FRMPD4: variants seen among roughly 807,000 people sequenced by gnomAD.
FRMPD4 encodes the protein FERM and PDZ domain containing 4, also known as FERM and PDZ domain-containing protein 4.
A neutral mutation model predicts 94.1 loss-of-function variants in FRMPD4; 22 were observed. The observed-to-expected ratio is 0.23, with a 90% CI of 0.17 to 0.33. FRMPD4 has a LOEUF of 0.33. FRMPD4 is among the 10% of genes least tolerant of loss of function. The probability of loss-of-function intolerance (pLI) is 1.00; values close to 1 mark genes in which losing one functional copy is unlikely to be tolerated. For missense variants in FRMPD4, 1,111 were observed against 1,339.9 expected, an observed-to-expected ratio of 0.83 and a Z score of 2.67; for synonymous variants, 631 against 548.6, an observed-to-expected ratio of 1.15 and a Z score of -2.10.
intron 1 of FRMPD4, among the ~76,000 whole-genome samples, chrX:12,181,163 C>T (rs2056353477): frequency 1.8e-5 from 2 of 111,717 alleles, no homozygotes; most frequent in Non-Finnish European, 1.9e-5. Context: ...ATGGAAGGAA[C>T]TGGGGTCTAA....
intron 3 of FRMPD4, among the ~76,000 whole-genome samples, chrX:12,119,987 AT>A (rs1333681121): frequency 3.6e-5 from 4 of 112,150 alleles, no homozygotes; most frequent in Non-Finnish European, 7.5e-5. Context: ...ATTGTGTAAT[AT>A]TTTTTCTTAA....
intron 4 of FRMPD4, among the ~76,000 whole-genome samples, chrX:12,649,650 A>G (rs763583909): frequency 8.9e-6 from 1 of 112,522 alleles, no homozygotes; most frequent in Admixed American, 9.3e-5. Flanking sequence ...AGTGGGAATA[A>G]TAATACCTAA....
intron 1 of FRMPD4, among the ~76,000 whole-genome samples, chrX:12,142,004 G>C (rs2055698748): frequency 8.9e-6 from 1 of 111,810 alleles, no homozygotes; most frequent in African/African-American, 3.2e-5. Context: ...CCTTTTGCCA[G>C]AGGGAGATGA....
At chrX:11,889,621 C>G (rs964682223) in intron 3 of FRMPD4, among the ~76,000 whole-genome samples, 1 of 112,419 alleles carries the variant, frequency 8.9e-6, no homozygotes, top group African/African-American at 3.2e-5. Flanking sequence ...CATCCTAAGA[C>G]ACAATGGCTT....
intron 2 of FRMPD4, among the ~76,000 whole-genome samples, chrX:12,565,086 CA>C (rs33995881): frequency 4.0e-5 from 4 of 100,579 alleles, no homozygotes; most frequent in Non-Finnish European, 6.0e-5. Context: ...GACTCAGTCT[CA>C]AAAAAAAAAG....
chrX:12,168,513 C>T (rs1452163831), intron 1 of FRMPD4, among the ~76,000 whole-genome samples: 2 of 110,497 alleles, frequency 1.8e-5, no homozygotes, highest in Admixed American at 9.6e-5. Flanking sequence ...TTTAGATGCT[C>T]CTGTTTGAAT....
chrX:12,099,211 A>T (rs959712547), intron 3 of FRMPD4, among the ~76,000 whole-genome samples: 1 of 110,434 alleles, frequency 9.1e-6, no homozygotes, highest in African/African-American at 3.3e-5. Context: ...CCTAAAACTT[A>T]AAGTATAATA....
At chrX:12,672,325 C>T (rs2059852206) in intron 4 of FRMPD4, among the ~76,000 whole-genome samples, 1 of 111,882 alleles carries the variant, frequency 8.9e-6, no homozygotes, top group Non-Finnish European at 1.9e-5. Flanking sequence ...ATGCTCAGTG[C>T]TCCTTGGATT....
At chrX:12,547,176 G>T (rs769667644) in intron 2 of FRMPD4, among the ~76,000 whole-genome samples, 2 of 110,744 alleles carry the variant, frequency 1.8e-5, no homozygotes, top group Non-Finnish European at 3.8e-5. Flanking sequence ...TAATTAAGTC[G>T]CTCCTGCAAC....
At chrX:12,601,433 C>T (rs928737777) in intron 2 of FRMPD4, among the ~76,000 whole-genome samples, 2 of 111,429 alleles carry the variant, frequency 1.8e-5, no homozygotes, top group African/African-American at 6.5e-5. Context: ...GGCAGTAGTT[C>T]CAGATGCAGA....
At chrX:12,656,059 G>C (rs2059652631) in intron 4 of FRMPD4, among the ~76,000 whole-genome samples, 1 of 112,081 alleles carries the variant, frequency 8.9e-6, no homozygotes, top group Non-Finnish European at 1.9e-5. Flanking sequence ...TATTCAACAT[G>C]GTGTCTTTCA....
chrX:12,471,801 T>A (rs1484323116), intron 1 of FRMPD4, among the ~76,000 whole-genome samples: 1 of 112,160 alleles, frequency 8.9e-6, no homozygotes, highest in Non-Finnish European at 1.9e-5. Flanking sequence ...TTGGCACTCT[T>A]GACAAGTGTC....
intron 3 of FRMPD4, among the ~76,000 whole-genome samples, chrX:12,132,471 A>G (rs857342): frequency 0.17 from 18,906 of 110,941 alleles, 2,009 homozygotes; most frequent in African/African-American, 0.4. Context: ...TTGTCAGCAT[A>G]TAGATAACAT....
intron 1 of FRMPD4, among the ~76,000 whole-genome samples, chrX:12,461,173 A>G (rs1350975062): frequency 2.7e-5 from 3 of 112,200 alleles, no homozygotes; most frequent in Non-Finnish European, 1.9e-5. Flanking sequence ...GGAAGGTCAC[A>G]TGGCTAGTCA....
At chrX:12,489,232 T>C (rs1360014413) in intron 1 of FRMPD4, among the ~76,000 whole-genome samples, 1 of 112,019 alleles carries the variant, frequency 8.9e-6, no homozygotes, top group Non-Finnish European at 1.9e-5. Context: ...ACTTTTAGGA[T>C]TCTAAGTTTT....
chrX:12,539,530 G>C (rs945116991), intron 2 of FRMPD4, among the ~76,000 whole-genome samples: 3 of 111,960 alleles, frequency 2.7e-5, no homozygotes, highest in Non-Finnish European at 5.6e-5. Flanking sequence ...GTTAAGGGCA[G>C]CCAGAAAGAA....
At chrX:12,453,300 G>T (rs1037979384) in intron 1 of FRMPD4, among the ~76,000 whole-genome samples, 2 of 111,827 alleles carry the variant, frequency 1.8e-5, no homozygotes, top group African/African-American at 3.3e-5. Flanking sequence ...AGTAGCTACA[G>T]GAGGTCAGTC....
At chrX:12,244,515 G>A (rs978561302) in intron 1 of FRMPD4, among the ~76,000 whole-genome samples, 10 of 112,344 alleles carry the variant, frequency 8.9e-5, no homozygotes, top group Non-Finnish European at 1.7e-4. Flanking sequence ...TGCTTTATTG[G>A]AGAGATTTCA....
chrX:11,848,912 G>C (rs1014407985), intron 1 of FRMPD4, among the ~76,000 whole-genome samples: 1 of 111,760 alleles, frequency 8.9e-6, no homozygotes, highest in Non-Finnish European at 1.9e-5. Context: ...AAGGATGCCT[G>C]CTTTCACTAC....
Sources: gnomAD v4.1 joint callset for allele counts (sites outside exome capture counted in the v4.1 genomes callset) on GRCh38, gnomAD v4.1.1 for gene constraint, MANE v1.5 for transcripts, NCBI Gene and HGNC (gene_info 2026-07-23, HGNC 2026-07-21) for gene names.